Variants in NAALADL2 observed in about 807,000 individuals in gnomAD.
The protein encoded by NAALADL2 is N-acetylated alpha-linked acidic dipeptidase like 2.
Under a neutral mutation model 87.2 loss-of-function variants are expected in NAALADL2, and 76 were observed. The ratio of observed to expected loss-of-function variants is 0.87; its 90% confidence interval spans 0.72 to 1.05. NAALADL2 has a LOEUF of 1.05. Ranked by LOEUF, NAALADL2 falls within the 50% of genes least tolerant of loss-of-function variation. NAALADL2 has a pLI of 0.00. For synonymous variants in NAALADL2, 354 were observed against 331.0 expected, an observed-to-expected ratio of 1.07 and a Z score of -0.75; for missense variants, 1,089 against 945.8, an observed-to-expected ratio of 1.15 and a Z score of -1.99.
At chr3:175,172,918 AGT>A (rs1459735648) in intron 2 of NAALADL2, among the ~76,000 whole-genome samples, 1 of 152,130 alleles carries the variant, frequency 6.6e-6, no homozygotes, top group Non-Finnish European at 1.5e-5. Flanking sequence ...GTCCATTAGG[AGT>A]GTTCAAGCAA....
intron 5 of NAALADL2, among the ~76,000 whole-genome samples, chr3:175,327,447 AC>A (rs1285282098): frequency 6.6e-6 from 1 of 151,772 alleles, no homozygotes; most frequent in Non-Finnish European, 1.5e-5. Flanking sequence ...GAGCCACCGC[AC>A]CCTGCCTCAA....
intron 5 of NAALADL2, among the ~76,000 whole-genome samples, chr3:175,395,454 G>T (rs1459493288): frequency 2.0e-5 from 3 of 152,046 alleles, no homozygotes; most frequent in Non-Finnish European, 4.4e-5. Flanking sequence ...CTTGAGAAGG[G>T]CAGCCAGTTT....
chr3:174,857,518 C>A (rs62284943), upstream of NAALADL2, among the ~76,000 whole-genome samples: 16,109 of 152,044 alleles, frequency 0.11, 977 homozygotes, highest in East Asian at 0.23. Context: ...GTGCCTGGGG[C>A]AGGTCTGTAA....
At position 174,797,305 on chromosome 3, in the gene NAALADL2, C is replaced by CTTTT. The variant is rs1160338109; in HGVS notation, c.-9+59580_-9+59583dup. Among the ~76,000 whole-genome samples, 44 of 72,718 alleles carry CTTTT rather than the reference C, an allele frequency of 6.1e-4. 1 individual carries two copies. Among genetic ancestry groups the CTTTT allele is most frequent in the Non-Finnish European group, 7.1e-4 (30 of 42,176 alleles). 47.7% of individuals were successfully genotyped at this position (72,718 alleles called of 152,430 possible). ...CTTTTTTCTTTTGTTTTTCTTTTTTCTTTTTTTTTTTTTTTTTTTTTTTTG... is the reference window on the plus strand; with the variant it reads ...CTTTTTTCTTTTGTTTTTCTTTTTTCTTTTTTTTTTTTTTTTTTTTTTTTTTTTG... On this transcript the variant is annotated intron_variant, in intron 3 of 3. Coordinates refer to the NAALADL2 transcript ENST00000434257.
chr3:174,805,203 G>T (rs552812221), intron 3 of NAALADL2, among the ~76,000 whole-genome samples: 3 of 152,196 alleles, frequency 2.0e-5, no homozygotes, highest in Admixed American at 6.5e-5. Context: ...AAACCAAGTG[G>T]TTGCTTCCTA....
intron 1 of NAALADL2, among the ~76,000 whole-genome samples, chr3:174,879,574 A>G (rs765878213): frequency 6.6e-6 from 1 of 152,126 alleles, no homozygotes; most frequent in Non-Finnish European, 1.5e-5. Context: ...TCAATGTATT[A>G]GATTTTAATA....
At chr3:174,864,783 A>G (rs1726944167) in intron 1 of NAALADL2, among the ~76,000 whole-genome samples, 1 of 152,098 alleles carries the variant, frequency 6.6e-6, no homozygotes. Context: ...ATTGAGTAGG[A>G]CAGTAAGCCA....
intron 2 of NAALADL2, among the ~76,000 whole-genome samples, chr3:175,207,584 C>T (rs760167014): frequency 2.0e-5 from 3 of 152,080 alleles, no homozygotes; most frequent in African/African-American, 7.2e-5. Flanking sequence ...TACTAAGAGG[C>T]ATCTTTTGGT....
At chr3:174,603,096 G>GATT (rs1560084520) in intron 2 of NAALADL2, among the ~76,000 whole-genome samples, 1 of 151,968 alleles carries the variant, frequency 6.6e-6, no homozygotes, top group Non-Finnish European at 1.5e-5. Flanking sequence ...TCTTGGTCTT[G>GATT]TTTTGATATC....
In NAALADL2 at chr3:175,807,289, T is replaced by G. The variant is rs1754797136; in HGVS notation, c.*4086T>G. On this transcript the variant is annotated 3_prime_UTR_variant, in exon 14 of 14. Coordinates refer to ENST00000454872, the MANE Select transcript of NAALADL2 (RefSeq NM_207015.3). ...TTAAATTAAATAAACGTAGAGCATA[T>G]AGTAAGTTTCCCCACAGGAAAGACA... The G allele has an allele frequency of 6.6e-6, 1 of 151,922 alleles. No homozygotes were observed. Among genetic ancestry groups the G allele is most frequent in the South Asian group, 2.1e-4 (1 of 4,832 alleles). The allele number at this position is 151,922 out of a possible 1,614,324, so 9.4% of individuals were successfully genotyped here.
intron 2 of NAALADL2, among the ~76,000 whole-genome samples, chr3:175,142,242 TAAAC>T (rs1200257309): frequency 6.6e-6 from 1 of 152,094 alleles, no homozygotes; most frequent in Non-Finnish European, 1.5e-5. Flanking sequence ...TAAAGTGAAT[TAAAC>T]AAGATTAACA....
intron 2 of NAALADL2, among the ~76,000 whole-genome samples, chr3:175,174,045 A>G (rs976773105): frequency 6.6e-6 from 1 of 152,090 alleles, no homozygotes; most frequent in South Asian, 2.1e-4. Context: ...TGTACCCTCA[A>G]TCATCCTTAA....
At chr3:175,191,553 G>A (rs1005045849) in intron 2 of NAALADL2, among the ~76,000 whole-genome samples, 1 of 152,130 alleles carries the variant, frequency 6.6e-6, no homozygotes, top group Non-Finnish European at 1.5e-5. Flanking sequence ...ACTAACCCCA[G>A]AAAGCACCCC....
At chr3:175,657,024 C>T (rs1440309756) in intron 11 of NAALADL2, among the ~76,000 whole-genome samples, 1 of 152,004 alleles carries the variant, frequency 6.6e-6, no homozygotes, top group Non-Finnish European at 1.5e-5. Context: ...TGTAAGAAAA[C>T]GTACTTACAT....
chr3:174,688,448 ATAGTG>A (rs1728247795), intron 2 of NAALADL2, among the ~76,000 whole-genome samples: 1 of 140,090 alleles, frequency 7.1e-6, no homozygotes, highest in Non-Finnish European at 1.5e-5. Context: ...AATACGAGAA[ATAGTG>A]TAAAGATTAA....
chr3:175,027,607 G>T (rs375302824), intron 1 of NAALADL2, among the ~76,000 whole-genome samples: 3 of 151,894 alleles, frequency 2.0e-5, no homozygotes, highest in Non-Finnish European at 2.9e-5. Context: ...GCTCTTCCCC[G>T]AATTCTTTTA....
chr3:175,061,103 C>T (rs564809691), intron 1 of NAALADL2, among the ~76,000 whole-genome samples: 1 of 152,124 alleles, frequency 6.6e-6, no homozygotes, highest in Middle Eastern at 3.4e-3. Context: ...TTTATAAATA[C>T]ATAGTCATGC....
intron 2 of NAALADL2, among the ~76,000 whole-genome samples, chr3:174,662,154 G>T (rs1410048377): frequency 6.6e-6 from 1 of 152,034 alleles, no homozygotes; most frequent in African/African-American, 2.4e-5. Flanking sequence ...TCCTAGCACA[G>T]GCCCTTGTAA....
At chr3:175,750,107 G>C (rs1746446586) in intron 12 of NAALADL2, among the ~76,000 whole-genome samples, 1 of 152,168 alleles carries the variant, frequency 6.6e-6, no homozygotes, top group South Asian at 2.1e-4. Flanking sequence ...TTAAGACACT[G>C]AGCCTCAGAG....
Sources: gnomAD v4.1 joint callset for allele counts (sites outside exome capture counted in the v4.1 genomes callset) on GRCh38, gnomAD v4.1.1 for gene constraint, MANE v1.5 for transcripts, NCBI Gene and HGNC (gene_info 2026-07-23, HGNC 2026-07-21) for gene names.